Variants in ROBO1 observed in about 807,000 individuals in gnomAD.
ROBO1 encodes the protein roundabout guidance receptor 1, also known as roundabout homolog 1.
A neutral mutation model predicts 195.9 loss-of-function variants in ROBO1; 149 were observed. That is an observed-to-expected ratio of 0.76 (90% CI 0.67 to 0.87). The LOEUF (loss-of-function observed/expected upper bound fraction) is 0.87. ROBO1 is among the 40% of genes least tolerant of loss of function. ROBO1 has a pLI of 0.00. For missense variants in ROBO1, 1,933 were observed against 2,068.3 expected, an observed-to-expected ratio of 0.93 and a Z score of 1.27; for synonymous variants, 816 against 733.2, an observed-to-expected ratio of 1.11 and a Z score of -1.82.
chr3:78,969,687 A>C (rs1199402219), intron 3 of ROBO1, among the ~76,000 whole-genome samples: 1 of 152,222 alleles, frequency 6.6e-6, no homozygotes, highest in Non-Finnish European at 1.5e-5. Flanking sequence ...TGGCAGAGCC[A>C]CATGTGGAGA....
At chr3:79,661,213 C>T (rs912557382) in intron 1 of ROBO1, among the ~76,000 whole-genome samples, 1 of 152,026 alleles carries the variant, frequency 6.6e-6, no homozygotes, top group African/African-American at 2.4e-5. Flanking sequence ...AGATCCACTC[C>T]ATGGTAGATC....
intron 2 of ROBO1, among the ~76,000 whole-genome samples, chr3:79,413,727 A>G (rs1372277859): frequency 6.6e-6 from 1 of 152,184 alleles, no homozygotes; most frequent in Non-Finnish European, 1.5e-5. Flanking sequence ...AATTAAAAAT[A>G]TGCTTAAATG....
chr3:79,483,944 C>T (rs1342898025), intron 2 of ROBO1, among the ~76,000 whole-genome samples: 2 of 152,020 alleles, frequency 1.3e-5, no homozygotes, highest in Admixed American at 6.6e-5. Context: ...AAAAGAAAAG[C>T]GTGGGTCTGA....
chr3:79,575,195 AATATATATATAACAGATATATAT>A (rs1943422173), intron 2 of ROBO1, among the ~76,000 whole-genome samples: 1 of 51,526 alleles, frequency 1.9e-5, no homozygotes, highest in African/African-American at 8.7e-5. Flanking sequence ...CATATATATA[AATATATATATAACAGATATATAT>A]ATATAACAAA....
chr3:79,111,094 G>A (rs1475817719), intron 3 of ROBO1, among the ~76,000 whole-genome samples: 1 of 152,132 alleles, frequency 6.6e-6, no homozygotes, highest in East Asian at 1.9e-4. Context: ...TACAAGGTCT[G>A]TTGGGTGGGC....
chr3:78,949,051 G>C (rs2040623069), intron 3 of ROBO1, among the ~76,000 whole-genome samples: 1 of 145,058 alleles, frequency 6.9e-6, no homozygotes, highest in Non-Finnish European at 1.5e-5. Context: ...CTCATGGGTA[G>C]GAAGAATCAA....
chr3:78,910,743 T>A (rs1362943974), intron 4 of ROBO1, among the ~76,000 whole-genome samples: 1 of 151,008 alleles, frequency 6.6e-6, no homozygotes, highest in East Asian at 1.9e-4. Flanking sequence ...CATATTACTT[T>A]GGGTACAACA....
At chr3:79,460,900 A>C (rs1306632459) in intron 2 of ROBO1, among the ~76,000 whole-genome samples, 1 of 151,218 alleles carries the variant, frequency 6.6e-6, no homozygotes, top group Non-Finnish European at 1.5e-5. Flanking sequence ...GACGCCCACC[A>C]CCACGCCCGG....
At chr3:78,949,083 G>A (rs1306551123) in intron 3 of ROBO1, among the ~76,000 whole-genome samples, 1 of 142,982 alleles carries the variant, frequency 7.0e-6, no homozygotes, top group Non-Finnish European at 1.5e-5. Context: ...TGGCCATACT[G>A]CCCAAGGTAA....
chr3:79,189,980 T>C (rs1237537013), intron 2 of ROBO1, among the ~76,000 whole-genome samples: 1 of 151,702 alleles, frequency 6.6e-6, no homozygotes, highest in Non-Finnish European at 1.5e-5. Context: ...CAGATTTCTA[T>C]ACTATACATC....
chr3:79,366,508 T>C (rs1363433565), intron 2 of ROBO1, among the ~76,000 whole-genome samples: 2 of 152,126 alleles, frequency 1.3e-5, no homozygotes, highest in Non-Finnish European at 2.9e-5. Flanking sequence ...TTCAGCTCCA[T>C]GTTAAAAGTC....
At chr3:79,595,448 G>T (rs905787269) in intron 1 of ROBO1, among the ~76,000 whole-genome samples, 5 of 151,956 alleles carry the variant, frequency 3.3e-5, no homozygotes, top group African/African-American at 9.7e-5. Flanking sequence ...AAACTCTTCA[G>T]CCTAGGTGGC....
intron 4 of ROBO1, among the ~76,000 whole-genome samples, chr3:78,820,338 A>G (rs778919168): frequency 1.3e-5 from 2 of 152,168 alleles, no homozygotes; most frequent in Non-Finnish European, 2.9e-5. Context: ...ATCCTATCAG[A>G]TGGATACTAT....
chr3:79,721,803 T>C (rs185273378), intron 1 of ROBO1, among the ~76,000 whole-genome samples: 1 of 152,296 alleles, frequency 6.6e-6, no homozygotes, highest in Admixed American at 6.5e-5. Flanking sequence ...ATCATTAATA[T>C]TTTCCATGTA....
At chr3:78,834,580 T>C (rs162873) in intron 4 of ROBO1, among the ~76,000 whole-genome samples, 146,669 of 151,762 alleles carry the variant, frequency 0.97, 70,932 homozygotes, top group East Asian at 1. Context: ...AGGGTGCATA[T>C]GCTATATAAT....
intron 1 of ROBO1, among the ~76,000 whole-genome samples, chr3:79,630,939 A>G (rs1945321887): frequency 6.6e-6 from 1 of 152,022 alleles, no homozygotes; most frequent in African/African-American, 2.4e-5. Flanking sequence ...GATCTCTGCA[A>G]GGAAAACTAT....
At chr3:79,313,238 A>C (rs2033573678) in intron 2 of ROBO1, among the ~76,000 whole-genome samples, 1 of 152,146 alleles carries the variant, frequency 6.6e-6, no homozygotes, top group African/African-American at 2.4e-5. Flanking sequence ...GTTGAAAAAA[A>C]TCATATAAAG....
chr3:79,547,499 G>A (rs1942314889), intron 2 of ROBO1, among the ~76,000 whole-genome samples: 1 of 152,074 alleles, frequency 6.6e-6, no homozygotes, highest in African/African-American at 2.4e-5. Flanking sequence ...TTGAAAATAA[G>A]ATTGTAAAGT....
intron 1 of ROBO1, among the ~76,000 whole-genome samples, chr3:79,664,435 C>T (rs1287697898): frequency 6.6e-6 from 1 of 152,034 alleles, no homozygotes; most frequent in East Asian, 1.9e-4. Context: ...AACATACAGT[C>T]TACATAAGCT....
Sources: allele counts gnomAD v4.1 joint callset (sites outside exome capture counted in the v4.1 genomes callset), GRCh38; gene constraint gnomAD v4.1.1; transcripts MANE v1.5; gene names NCBI Gene and HGNC (gene_info 2026-07-23, HGNC 2026-07-21).